The following NSD1 variants were observed in gnomAD, a reference collection of about 807,000 sequenced individuals.
The protein encoded by NSD1 is nuclear receptor binding SET domain protein 1.
A neutral mutation model predicts 242.7 loss-of-function variants in NSD1; 26 were observed. The observed-to-expected ratio is 0.11, with a 90% confidence interval of 0.08 to 0.15. NSD1 has a LOEUF of 0.15. Ranked by LOEUF, NSD1 falls within the 10% of genes least tolerant of loss-of-function variation. The pLI is 1.00. For missense variants in NSD1, 2,495 were observed against 3,272.8 expected, an observed-to-expected ratio of 0.76 and a Z score of 5.80; for synonymous variants, 1,106 against 1,178.1, an observed-to-expected ratio of 0.94 and a Z score of 1.25.
intron 2 of NSD1, among the ~76,000 whole-genome samples, chr5:177,145,493 A>G (rs1263027794): frequency 6.6e-6 from 1 of 152,202 alleles, no homozygotes; most frequent in Admixed American, 6.5e-5. Flanking sequence ...TATGTTGCCC[A>G]GGCTGGTCTT....
At chr5:177,143,222 C>T (rs778342769) in intron 2 of NSD1, among the ~76,000 whole-genome samples, 9 of 151,994 alleles carry the variant, frequency 5.9e-5, no homozygotes, top group Non-Finnish European at 1.0e-4. Flanking sequence ...TTTTCATTTC[C>T]TCATGTACTC....
chr5:177,230,414 A>G (rs1178216066), intron 5 of NSD1, among the ~76,000 whole-genome samples: 1 of 152,168 alleles, frequency 6.6e-6, no homozygotes, highest in East Asian at 1.9e-4. Flanking sequence ...CTTTTGTGCT[A>G]TCTGCTGGTT....
At chr5:177,198,676 A>G (rs1324031103) in intron 3 of NSD1, among the ~76,000 whole-genome samples, 2 of 152,190 alleles carry the variant, frequency 1.3e-5, no homozygotes, top group Non-Finnish European at 2.9e-5. Context: ...GGAGGACACA[A>G]ACATTTAGTC....
chr5:177,226,496 AT>A (rs1403857247), intron 5 of NSD1, among the ~76,000 whole-genome samples: 2 of 152,136 alleles, frequency 1.3e-5, no homozygotes, highest in African/African-American at 2.4e-5. Flanking sequence ...TTATTTATTT[AT>A]TTTTGAAATG....
Position 177,280,781 on chromosome 5 carries a change from T to G in NSD1, c.5839T>G (p.Phe1947Val). 6.2e-7 allele frequency: 1 copy of G among 1,614,222 alleles called. No individual in the cohort carries two copies. Among genetic ancestry groups the G allele is most frequent in the Non-Finnish European group, 8.5e-7 (1 of 1,180,040 alleles). The change falls in exon 18 of 23, where the codon TTC (phenylalanine) becomes GTC (valine). Residue 1947 changes from phenylalanine to valine, a missense_variant. Around this residue, in one of 19 missense-constraint regions of NSD1, gnomAD observed 114 missense variants for 247.4 expected, o/e 0.46. Coordinates refer to ENST00000439151, the MANE Select transcript of NSD1 (RefSeq NM_022455.5). The stretch of plus-strand genomic sequence containing the variant: ...GCGCCAATATCCAGAGGTTGAAATT[T>G]TCCGCACATTACAGCGGGGTTGGGG... ...SKRQYPEVEIFRTLQRGWGLR... is the reference protein window; with the variant it reads ...SKRQYPEVEIVRTLQRGWGLR...
chr5:177,233,078 T>C (rs1765178268), intron 5 of NSD1, among the ~76,000 whole-genome samples: 1 of 152,158 alleles, frequency 6.6e-6, no homozygotes, highest in African/African-American at 2.4e-5. Flanking sequence ...ATGAATTTCT[T>C]TTCTTTTCTT....
At chr5:177,143,707 T>G (rs1480415908) in intron 2 of NSD1, among the ~76,000 whole-genome samples, 4 of 152,058 alleles carry the variant, frequency 2.6e-5, no homozygotes, top group Non-Finnish European at 5.9e-5. Flanking sequence ...TTAATGTCTC[T>G]AAGGCCCATT....
At position 177,134,122 on chromosome 5, in the gene NSD1, C is replaced by T. The variant is rs1018705599; in HGVS notation, c.-18+170C>T. 2 of 150,940 alleles carry T rather than the reference C, an allele frequency of 1.3e-5. No individual in the cohort carries two copies. The highest frequency in any genetic ancestry group is 2.4e-5 in the African/African-American group (1 of 41,106). 9.4% of individuals were successfully genotyped at this position (150,940 alleles called of 1,614,324 possible). Reference sequence around the variant, plus strand: ...CTGCAGCCGCCGGCCTCCTCCCCCTCCCCCTCCTCCATCACTACCAGCCGG... The same window carrying T: ...CTGCAGCCGCCGGCCTCCTCCCCCTTCCCCTCCTCCATCACTACCAGCCGG... On this transcript the variant is annotated intron_variant, in intron 1 of 22. Coordinates refer to ENST00000439151, the MANE Select transcript of NSD1 (RefSeq NM_022455.5). The surrounding 1 kb of genome is among the most constrained non-coding windows in gnomAD (Gnocchi z 4.2).
chr5:177,225,728 A>T (rs962978042), intron 5 of NSD1, among the ~76,000 whole-genome samples: 1 of 152,176 alleles, frequency 6.6e-6, no homozygotes, highest in South Asian at 2.1e-4. Flanking sequence ...AATAGTTCAC[A>T]ATTTTCGTTC....
Position 177,212,265 on chromosome 5 carries a change from A to G in NSD1, c.3796+70A>G, listed in dbSNP as rs1399156187. The G allele has an allele frequency of 4.9e-5, 74 of 1,505,496 alleles. 2 individuals carry two copies. In the South Asian group the frequency reaches 8.5e-4, roughly 17 times the overall value. The allele number at this position is 1,505,496 out of a possible 1,614,324, so 93.3% of individuals were successfully genotyped here. ...TGCTGATAAACATTGTCCTTCTGAAATTGGTCTGTTGTAATGGTAAAGTGA... is the reference window on the plus strand; with the variant it reads ...TGCTGATAAACATTGTCCTTCTGAAGTTGGTCTGTTGTAATGGTAAAGTGA... On this transcript the variant is annotated intron_variant, in intron 5 of 22. Coordinates refer to ENST00000439151, the MANE Select transcript of NSD1 (RefSeq NM_022455.5).
intron 5 of NSD1, among the ~76,000 whole-genome samples, chr5:177,228,596 T>TC (rs1764816396): frequency 6.6e-6 from 1 of 152,082 alleles, no homozygotes; most frequent in African/African-American, 2.4e-5. Flanking sequence ...TAAACTTTTT[T>TC]CTCTGAGGCT....
intron 21 of NSD1, 78 bp from the exon 22 acceptor site, chr5:177,291,876 C>T (rs369972286): frequency 2.3e-6 from 3 of 1,307,250 alleles, no homozygotes; most frequent in African/African-American, 1.5e-5. Context: ...GAATGAGGCT[C>T]AGAGAGGGTA....
At chr5:177,141,892 G>C (rs1283809989) in intron 2 of NSD1, among the ~76,000 whole-genome samples, 1 of 152,116 alleles carries the variant, frequency 6.6e-6, no homozygotes, top group Non-Finnish European at 1.5e-5. Flanking sequence ...GTAGTGCAGT[G>C]GTGCCATCTC....
chr5:177,154,521 G>T (rs931203002), intron 2 of NSD1, among the ~76,000 whole-genome samples: 14 of 152,102 alleles, frequency 9.2e-5, no homozygotes, highest in Admixed American at 7.9e-4. Context: ...AACCAGTGAA[G>T]TGACCTCTGT....
At chr5:177,229,526 A>G (rs1163917932) in intron 5 of NSD1, among the ~76,000 whole-genome samples, 1 of 152,176 alleles carries the variant, frequency 6.6e-6, no homozygotes, top group African/African-American at 2.4e-5. Context: ...AAAAGGTCAT[A>G]TTCCTCCTTT....
chr5:177,204,532 A>G (rs1182464759), intron 4 of NSD1, among the ~76,000 whole-genome samples: 3 of 152,200 alleles, frequency 2.0e-5, no homozygotes, highest in African/African-American at 7.2e-5. Context: ...TTTTGTATTT[A>G]GTAGAGACAG....
chr5:177,285,931 T>C (rs984315345), intron 20 of NSD1, among the ~76,000 whole-genome samples: 2 of 152,208 alleles, frequency 1.3e-5, no homozygotes, highest in African/African-American at 4.8e-5. Context: ...AGTCTCGCTC[T>C]GTTGCCCAGG....
Position 177,294,140 on chromosome 5 carries a change from A to C in NSD1, c.6772A>C (p.Thr2258Pro). 5.0e-6 allele frequency: 8 copies of C among 1,614,160 alleles called. No individual in the cohort carries two copies. The highest frequency in any genetic ancestry group is 6.8e-6 in the Non-Finnish European group (8 of 1,180,014). ...PKMSDKPPAD[T>P]NQMLSLSKKA... ...AATGTCAGATAAACCTCCTGCTGACACCAACCAGATGCTGTCGCTCTCCAA... is the reference window on the plus strand; with the variant it reads ...AATGTCAGATAAACCTCCTGCTGACCCCAACCAGATGCTGTCGCTCTCCAA... The change falls in exon 23 of 23, where the codon ACC becomes CCC. Residue 2258 changes from threonine (T) to proline (P), a missense_variant. Physicochemically the swap from Thr to Pro is conservative, Grantham distance 38. Transcript: ENST00000439151.
Position 177,235,755 on chromosome 5 carries a change from C to A in NSD1, c.3797-66C>A, listed in dbSNP as rs114246039. 1.0e-3 allele frequency: 1,655 copies of A among 1,606,020 alleles called. 23 individuals carry two copies. In the African/African-American group the frequency reaches 0.019, roughly 19 times the overall value. On this transcript the variant is annotated intron_variant, in intron 5 of 22. Transcript: ENST00000439151. ...GTTACTTTTGGGAGTATCAGATGGT[C>A]TCATAAAAACAGTGGGTTTTCCTGA...
Sources: allele counts gnomAD v4.1 joint callset (sites outside exome capture counted in the v4.1 genomes callset), GRCh38; gene constraint gnomAD v4.1.1; regional missense constraint gnomAD v4.1.1; non-coding constraint Gnocchi (gnomAD v3.1); transcripts MANE v1.5; gene names NCBI Gene and HGNC (gene_info 2026-07-23, HGNC 2026-07-21).